FAM118B: variants seen among roughly 807,000 people sequenced by gnomAD.
FAM118B encodes SIR2 antiphage like 1.
A neutral mutation model predicts 38.5 loss-of-function variants in FAM118B; 24 were observed. The observed-to-expected ratio is 0.62, with a 90% CI of 0.45 to 0.88. FAM118B has a LOEUF of 0.88. FAM118B is among the 40% of genes least tolerant of loss of function. The probability of loss-of-function intolerance (pLI) is 0.00; values close to 1 mark genes in which losing one functional copy is unlikely to be tolerated. For missense variants in FAM118B, 334 were observed against 420.0 expected, an observed-to-expected ratio of 0.80 and a Z score of 1.79; for synonymous variants, 138 against 156.3, an observed-to-expected ratio of 0.88 and a Z score of 0.87.
intron 7 of FAM118B, among the ~76,000 whole-genome samples, chr11:126,258,097 G>A (rs138326491): frequency 5.9e-4 from 90 of 152,294 alleles, no homozygotes; most frequent in African/African-American, 2.1e-3. Flanking sequence ...TTGTCAACCT[G>A]AATGCATCTT....
intron 1 of FAM118B, among the ~76,000 whole-genome samples, chr11:126,216,378 A>C (rs962394858): frequency 2.0e-5 from 3 of 152,104 alleles, no homozygotes; most frequent in African/African-American, 7.2e-5. Context: ...TCTGTCACCA[A>C]AAAAAAACCC....
At chr11:126,260,038 ATTAC>A (rs1565342381) in intron 7 of FAM118B, among the ~76,000 whole-genome samples, 2 of 151,808 alleles carry the variant, frequency 1.3e-5, no homozygotes. Context: ...TTTTATTATT[ATTAC>A]TATTTTTGAT....
chr11:126,252,890 C>T lies in FAM118B; in HGVS notation c.568-1415C>T, dbSNP rs1029030596. Among the ~76,000 whole-genome samples, 1 of 152,094 alleles carries T rather than the reference C, an allele frequency of 6.6e-6. No individual in the cohort carries two copies. Among genetic ancestry groups the T allele is most frequent in the Non-Finnish European group, 1.5e-5 (1 of 68,006 alleles). On this transcript the variant is annotated intron_variant, in intron 5 of 8. Coordinates refer to ENST00000533050, the MANE Select transcript of FAM118B (RefSeq NM_024556.4). The surrounding 1 kb of genome is among the most constrained non-coding windows in gnomAD (Gnocchi z 4.7). ...TCTTTACTAAGAATACAAAAACTAG[C>T]TGGGAGTGGTGGTGCACGCCTGTAA...
intron 2 of FAM118B, among the ~76,000 whole-genome samples, chr11:126,231,154 CT>C (rs1441179490): frequency 3.3e-5 from 5 of 152,116 alleles, no homozygotes; most frequent in Non-Finnish European, 7.4e-5. Flanking sequence ...AAGTATCTGA[CT>C]TTTATTTTGC....
intron 4 of FAM118B, among the ~76,000 whole-genome samples, chr11:126,246,986 CT>C (rs1475754877): frequency 3.9e-5 from 6 of 152,166 alleles, no homozygotes; most frequent in African/African-American, 1.4e-4. Context: ...GCGGGACCCC[CT>C]ATCTCTACAC....
rs1483804534 is a variant in FAM118B, at chr11:126,262,487, G to C, written c.*354G>C. On this transcript the variant is annotated 3_prime_UTR_variant, in exon 9 of 9. Coordinates refer to ENST00000533050, the MANE Select transcript of FAM118B (RefSeq NM_024556.4). ...AAGGACTCGGGGTCTGGATGCCATGGAATCACTGTGGCTCTTGTTGCAGTT... is the reference window on the plus strand; with the variant it reads ...AAGGACTCGGGGTCTGGATGCCATGCAATCACTGTGGCTCTTGTTGCAGTT... 1 of 316,488 alleles carries C rather than the reference G, an allele frequency of 3.2e-6. No homozygotes were observed. 19.6% of individuals were successfully genotyped at this position (316,488 alleles called of 1,614,324 possible).
intron 1 of FAM118B, among the ~76,000 whole-genome samples, chr11:126,215,770 G>C (rs1949970820): frequency 6.6e-6 from 1 of 152,038 alleles, no homozygotes; most frequent in African/African-American, 2.4e-5. Context: ...AGCACTTTGG[G>C]AGGCCTAGCG....
intron 5 of FAM118B, among the ~76,000 whole-genome samples, chr11:126,251,691 C>G (rs1312763386): frequency 6.6e-6 from 1 of 150,436 alleles, no homozygotes; most frequent in African/African-American, 2.4e-5. Flanking sequence ...TATCCAGTCT[C>G]TTGTCCGTTT....
chr11:126,248,465 G>T (rs1286564631), intron 4 of FAM118B, among the ~76,000 whole-genome samples: 1 of 136,362 alleles, frequency 7.3e-6, no homozygotes, highest in East Asian at 2.4e-4. Context: ...CTGCCTCCCG[G>T]ATTCAAGCGA....
chr11:126,212,314 T>A (rs1949892895), intron 1 of FAM118B, among the ~76,000 whole-genome samples: 1 of 152,172 alleles, frequency 6.6e-6, no homozygotes, highest in South Asian at 2.1e-4. Context: ...ATTCATTTCT[T>A]GGGGGTCTCC....
intron 1 of FAM118B, chr11:126,214,527 T>TTTTTTTTTTTTTTTA (rs1949954178): frequency 8.1e-6 from 1 of 123,372 alleles, no homozygotes. Context: ...TTTTTTTTTT[T>TTTTTTTTTTTTTTTA]ACCTCTATAT....
At chr11:126,247,189 G>C (rs1182154369) in intron 4 of FAM118B, among the ~76,000 whole-genome samples, 1 of 152,148 alleles carries the variant, frequency 6.6e-6, no homozygotes, top group South Asian at 2.1e-4. Context: ...CCACTTGGGA[G>C]ACTGAGGCAG....
At chr11:126,216,166 A>G (rs1299667054) in intron 1 of FAM118B, among the ~76,000 whole-genome samples, 1 of 152,126 alleles carries the variant, frequency 6.6e-6, no homozygotes, top group East Asian at 1.9e-4. Context: ...GCCTGAGGTC[A>G]GGAGTTCAAG....
At chr11:126,216,716 G>A (rs1026817601) in intron 1 of FAM118B, among the ~76,000 whole-genome samples, 7 of 152,182 alleles carry the variant, frequency 4.6e-5, no homozygotes, top group African/African-American at 1.7e-4. Flanking sequence ...GAATAAATGT[G>A]TGCAAAGTGA....
chr11:126,223,592 A>G (rs1481730908), intron 1 of FAM118B, among the ~76,000 whole-genome samples: 1 of 152,076 alleles, frequency 6.6e-6, no homozygotes, highest in Non-Finnish European at 1.5e-5. Context: ...CGAAAAAAAA[A>G]AAAAAAAATC....
intron 8 of FAM118B, among the ~76,000 whole-genome samples, 199 bp downstream of exon 8, chr11:126,261,683 C>A (rs898111304): frequency 3.3e-5 from 5 of 152,162 alleles, no homozygotes; most frequent in Admixed American, 2.0e-4. Context: ...GTGCAGTGAT[C>A]AGTTAATTTT....
rs1255785455 is a variant in FAM118B, at chr11:126,240,868, G to A, written c.163G>A (p.Val55Ile). 2.5e-6 allele frequency: 4 copies of A among 1,614,072 alleles called. No homozygotes were observed. The highest frequency in any genetic ancestry group is 3.4e-6 in the Non-Finnish European group (4 of 1,180,042). ...GATTGGAACAGGCATTAGTGCTGCA[G>A]TTGCGCCCCAAGTTCCAGCCCTCAA... ...LVIGTGISAA[V>I]APQVPALKSW... is the part of the protein sequence containing the mutation. The change falls in exon 4 of 9, where the codon GTT (valine) becomes ATT (isoleucine). Residue 55 changes from valine to isoleucine, a missense_variant. By Grantham distance (29) the Val-to-Ile change is conservative (BLOSUM62 3). This residue lies in a region of FAM118B where 240 missense variants were observed against 295.9 expected (regional missense o/e 0.81). Coordinates refer to ENST00000533050, the MANE Select transcript of FAM118B (RefSeq NM_024556.4).
At chr11:126,230,255 T>C (rs1950191561) in intron 2 of FAM118B, among the ~76,000 whole-genome samples, 1 of 152,210 alleles carries the variant, frequency 6.6e-6, no homozygotes, top group Non-Finnish European at 1.5e-5. Flanking sequence ...TCTTTAGGAT[T>C]TTATTTAATT....
chr11:126,235,324 A>G lies in FAM118B; in HGVS notation c.86+237A>G, dbSNP rs554499849. Among the ~76,000 whole-genome samples, 8 of 152,278 alleles carry G rather than the reference A, an allele frequency of 5.3e-5. No individual in the cohort carries two copies. In the East Asian group the frequency reaches 1.5e-3, roughly 29 times the overall value. On this transcript the variant is annotated intron_variant, in intron 3 of 8. Transcript: ENST00000533050. ...CCTTCCTCAGAGATAATCACTTTCA[A>G]CTTTACCTGTTTCTTCTAATGTTGA...
Sources: allele counts gnomAD v4.1 joint callset (sites outside exome capture counted in the v4.1 genomes callset), GRCh38; gene constraint gnomAD v4.1.1; regional missense constraint gnomAD v4.1.1; non-coding constraint Gnocchi (gnomAD v3.1); transcripts MANE v1.5; gene names NCBI Gene and HGNC (gene_info 2026-07-23, HGNC 2026-07-21).